DYNC2H1: variants seen among roughly 807,000 people sequenced by gnomAD.
DYNC2H1 encodes dynein cytoplasmic 2 heavy chain 1, also known as cytoplasmic dynein 2 heavy chain 1.
In DYNC2H1, 410 loss-of-function variants were observed where a neutral mutation model predicts 570.0. The ratio of observed to expected loss-of-function variants is 0.72; its 90% CI spans 0.66 to 0.78. The LOEUF is 0.78. DYNC2H1 is among the 30% of genes least tolerant of loss of function. The pLI, the probability that DYNC2H1 is intolerant of heterozygous loss-of-function variation, is 0.00. For synonymous variants in DYNC2H1, 1,688 were observed against 1,677.6 expected (o/e 1.01, Z -0.15); for missense variants, 4,865 against 5,046.4 (o/e 0.96, Z 1.09).
intron 59 of DYNC2H1, among the ~76,000 whole-genome samples, chr11:103,227,705 G>T (rs897432488): frequency 6.6e-6 from 1 of 152,136 alleles, no homozygotes; most frequent in Non-Finnish European, 1.5e-5. Context: ...TCCATTTGTT[G>T]TAGGGTATAG....
chr11:103,121,293 A>T, intron 9 of DYNC2H1, 79 bp from the exon 10 acceptor site: 1 of 1,455,224 alleles, frequency 6.9e-7, no homozygotes, highest in Non-Finnish European at 9.2e-7. Context: ...AGCATCTGAC[A>T]TAGTGCTTGG....
At chr11:103,393,943 G>T (rs1942282644) in intron 83 of DYNC2H1, among the ~76,000 whole-genome samples, 1 of 152,042 alleles carries the variant, frequency 6.6e-6, no homozygotes. Flanking sequence ...GTACAGCATG[G>T]GAAAGACCTA....
chr11:103,268,544 A>G lies in DYNC2H1; in HGVS notation c.10695+8567A>G, dbSNP rs906396064. Reference sequence around the variant, plus strand: ...ATCTGTTTTATTTTCTAGGCAATATATTAAGCCTACGAAGTTTCGTTATTG... The same window carrying G: ...ATCTGTTTTATTTTCTAGGCAATATGTTAAGCCTACGAAGTTTCGTTATTG... On this transcript the variant is annotated intron_variant, in intron 70 of 88. Coordinates refer to ENST00000375735, the MANE Select transcript of DYNC2H1 (RefSeq NM_001377.3). This position sits in a 1 kb window ranked among gnomAD's most constrained non-coding sequence, Gnocchi z 4.6. 1.4e-4 allele frequency among the ~76,000 whole-genome samples: 21 copies of G among 151,954 alleles called. No individual in the cohort carries two copies. Among genetic ancestry groups the G allele is most frequent in the Non-Finnish European group, 4.4e-5 (3 of 67,880 alleles).
intron 17 of DYNC2H1, among the ~76,000 whole-genome samples, chr11:103,137,735 TTAAAG>T (rs1859655053): frequency 1.3e-5 from 2 of 152,146 alleles, no homozygotes. Context: ...CATATGAACT[TTAAAG>T]TAGTTTTTTC....
intron 77 of DYNC2H1, among the ~76,000 whole-genome samples, chr11:103,307,433 T>C (rs1444131826): frequency 1.3e-5 from 2 of 152,124 alleles, no homozygotes; most frequent in African/African-American, 2.4e-5. Context: ...GCTATTATTA[T>C]CCTTGTTTAG....
intron 6 of DYNC2H1, among the ~76,000 whole-genome samples, chr11:103,118,814 A>G (rs1858550876): frequency 6.6e-6 from 1 of 152,120 alleles, no homozygotes; most frequent in Admixed American, 6.5e-5. Context: ...ACCTTGCTAT[A>G]TCAGGACGTA....
At chr11:103,354,704 A>G (rs573963795) in intron 82 of DYNC2H1, among the ~76,000 whole-genome samples, 2 of 152,242 alleles carry the variant, frequency 1.3e-5, no homozygotes, top group African/African-American at 4.8e-5. Context: ...ATTTATAACA[A>G]TGCTAGGTTG....
intron 79 of DYNC2H1, among the ~76,000 whole-genome samples, chr11:103,315,883 TTGAA>T (rs764667931): frequency 6.6e-6 from 1 of 151,272 alleles, no homozygotes; most frequent in Non-Finnish European, 1.5e-5. Flanking sequence ...TTTTTGAGTG[TTGAA>T]TGAATGAATG....
chr11:103,225,102 G>GT (rs1470612862), intron 59 of DYNC2H1, among the ~76,000 whole-genome samples: 1 of 149,832 alleles, frequency 6.7e-6, no homozygotes, highest in South Asian at 2.2e-4. Flanking sequence ...GGAGTCGTTT[G>GT]TTTTTTTCTT....
chr11:103,148,685 T>C (rs2134856097), intron 20 of DYNC2H1, 68 bp downstream of exon 20: 1 of 1,479,018 alleles, frequency 6.8e-7, no homozygotes, highest in Non-Finnish European at 9.1e-7. Flanking sequence ...AATTAGGTAA[T>C]TTTATGTCAT....
chr11:103,236,320 C>T (rs997650770), intron 62 of DYNC2H1, 110 bp from the exon 63 acceptor site: 2 of 686,392 alleles, frequency 2.9e-6, no homozygotes, highest in Admixed American at 5.3e-5. Flanking sequence ...GAATGGGTTT[C>T]AAGTAAGGAC....
At chr11:103,159,068 C>G in intron 28 of DYNC2H1, 41 bp downstream of exon 28, 1 of 1,496,934 alleles carries the variant, frequency 6.7e-7, no homozygotes, top group Non-Finnish European at 9.2e-7. Flanking sequence ...TATTGAGTTT[C>G]AACTGTCTGC....
Position 103,274,157 on chromosome 11 carries a change from TA to T in DYNC2H1, c.10696-6190del, listed in dbSNP as rs556877029. ...GTGTATATATATATATACACACACA[TA>T]TATATATATCTGTGTGTGTCACAGA... On this transcript the variant is annotated intron_variant, in intron 70 of 88. Transcript: ENST00000375735. 5.1e-3 allele frequency among the ~76,000 whole-genome samples: 777 copies of T among 151,112 alleles called. 3 individuals are homozygous for T. The highest frequency in any genetic ancestry group is 0.011 in the South Asian group (54 of 4,784).
intron 11 of DYNC2H1, 21 bp downstream of exon 11, chr11:103,123,021 C>T: frequency 7.5e-7 from 1 of 1,327,418 alleles, no homozygotes; most frequent in Non-Finnish European, 9.7e-7. Context: ...ATATATTAAA[C>T]TGTAAAATCC....
intron 82 of DYNC2H1, among the ~76,000 whole-genome samples, chr11:103,356,465 A>G (rs1475273410): frequency 1.3e-5 from 2 of 152,172 alleles, no homozygotes; most frequent in Non-Finnish European, 2.9e-5. Flanking sequence ...TTTTAACATC[A>G]TGCACAAAAA....
intron 55 of DYNC2H1, 148 bp from the exon 56 acceptor site, chr11:103,219,767 T>C (rs1211909770): frequency 8.0e-6 from 4 of 499,486 alleles, no homozygotes; most frequent in Admixed American, 4.2e-5. Context: ...TTCCCAGGCA[T>C]TTTGGAAACT....
rs200636241 is a variant in DYNC2H1 at position 103,435,952 on chromosome 11, G to A, written c.12376G>A (p.Ala4126Thr). 3.5e-5 allele frequency: 57 copies of A among 1,612,242 alleles called. No homozygotes were observed. The African/African-American group carries it at 5.1e-4, about 14-fold the overall frequency. ...SALLNQKCPL[A>T]WQSKWEGPED... is the part of the protein sequence containing the mutation. The stretch of plus-strand genomic sequence containing the variant: ...CCTTTTTAAATTGCAGTGTCCTCTC[G>A]CATGGCAGAGCAAGTGGGAAGGCCC... The change falls in exon 85 of 89, where the codon GCA becomes ACA. Residue 4126 changes from alanine (A) to threonine (T), a missense_variant. Around this residue, in one of 5 missense-constraint regions of DYNC2H1, gnomAD observed 2,401 missense variants for 2,454.6 expected, o/e 0.98. Coordinates refer to ENST00000375735, the MANE Select transcript of DYNC2H1 (RefSeq NM_001377.3).
In DYNC2H1 at chr11:103,442,167, G is replaced by T. The variant is rs11225799; in HGVS notation, c.12456+6135G>T. ...TATATATTTATCAGTTTATTCATTC[G>T]GTGAATATTTATTGAGCTTCTATTA... On this transcript the variant is annotated intron_variant, in intron 85 of 88. Transcript: ENST00000375735. Among the ~76,000 whole-genome samples the T allele has an allele frequency of 7.0e-4, 106 of 151,776 alleles. 1 individual carries two copies. The highest frequency in any genetic ancestry group is 7.4e-5 in the Non-Finnish European group (5 of 67,884).
At position 103,259,958 on chromosome 11, in the gene DYNC2H1, T is replaced by G. The variant is rs1865203486; in HGVS notation, c.10676T>G (p.Ile3559Arg). ...TTACAACATATGGTATATGAATATA[T>G]ATGTCGTTGTCTATTTAAGGTAAGA... ...SSLQHMVYEY[I>R]CRCLFKADQL... is the part of the protein sequence containing the mutation. Residue 3559 changes from isoleucine (I) to arginine (R), a missense_variant, in exon 70 of 89, where the codon ATA (isoleucine) becomes AGA (arginine). Physicochemically the swap from Ile to Arg is moderately conservative, Grantham distance 97. Transcript: ENST00000375735. The G allele has an allele frequency of 1.3e-6, 2 of 1,534,934 alleles. No individual in the cohort carries two copies. Among genetic ancestry groups the G allele is most frequent in the African/African-American group, 2.8e-5 (2 of 72,684 alleles).
Sources: allele counts gnomAD v4.1 joint callset (sites outside exome capture counted in the v4.1 genomes callset), GRCh38; gene constraint gnomAD v4.1.1; regional missense constraint gnomAD v4.1.1; non-coding constraint Gnocchi (gnomAD v3.1); transcripts MANE v1.5; gene names NCBI Gene and HGNC (gene_info 2026-07-23, HGNC 2026-07-21).